The following RAD51B variants were observed in gnomAD, a reference collection of about 807,000 sequenced individuals.
RAD51B encodes DNA repair protein RAD51 homolog 2.
A neutral mutation model predicts 42.2 loss-of-function variants in RAD51B; 38 were observed. That is an observed-to-expected ratio of 0.90 (90% CI 0.70 to 1.18). RAD51B has a LOEUF of 1.18. Ranked by LOEUF, RAD51B falls within the 50% of genes most tolerant of loss-of-function variation. RAD51B has a pLI of 0.00. For synonymous variants in RAD51B, 154 were observed against 145.2 expected, an observed-to-expected ratio of 1.06 and a Z score of -0.43; for missense variants, 373 against 400.7, an observed-to-expected ratio of 0.93 and a Z score of 0.59.
chr14:67,836,914 C>A (rs1045638823), intron 4 of RAD51B, among the ~76,000 whole-genome samples: 1 of 152,130 alleles, frequency 6.6e-6, no homozygotes, highest in African/African-American at 2.4e-5. Context: ...GTTCTAGGGG[C>A]ATAAATACTT....
intron 5 of RAD51B, among the ~76,000 whole-genome samples, chr14:67,877,372 T>C (rs1345050810): frequency 6.6e-6 from 1 of 152,116 alleles, no homozygotes; most frequent in Non-Finnish European, 1.5e-5. Context: ...AGCTGAGAGG[T>C]GAACTCATAT....
intron 10 of RAD51B, chr14:68,541,564 A>G: frequency 2.0e-6 from 2 of 985,470 alleles, no homozygotes; most frequent in Non-Finnish European, 2.4e-6. Context: ...TCTAGATGGC[A>G]TGCGGTATTC....
intron 9 of RAD51B, among the ~76,000 whole-genome samples, chr14:68,443,320 C>T (rs908600324): frequency 2.0e-5 from 3 of 151,998 alleles, no homozygotes; most frequent in African/African-American, 7.3e-5. Context: ...ATTTTTTGAA[C>T]GAGTGTCTGA....
chr14:68,515,341 C>T (rs1886054138), intron 10 of RAD51B, among the ~76,000 whole-genome samples: 1 of 151,870 alleles, frequency 6.6e-6, no homozygotes, highest in African/African-American at 2.4e-5. Context: ...AAGAAGTTGC[C>T]TAAATGATGG....
chr14:67,934,755 A>G (rs2044872945), intron 7 of RAD51B, among the ~76,000 whole-genome samples: 1 of 152,104 alleles, frequency 6.6e-6, no homozygotes, highest in South Asian at 2.1e-4. Flanking sequence ...GAGGGCAGGG[A>G]GTGTATATTA....
chr14:68,022,470 A>C (rs1442954203), intron 7 of RAD51B, among the ~76,000 whole-genome samples: 1 of 152,144 alleles, frequency 6.6e-6, no homozygotes, highest in Non-Finnish European at 1.5e-5. Context: ...GGATGGGTCA[A>C]ATGGTAGCTC....
chr14:68,070,115 G>A (rs887383696), intron 7 of RAD51B, among the ~76,000 whole-genome samples: 8 of 151,732 alleles, frequency 5.3e-5, no homozygotes, highest in Non-Finnish European at 7.4e-5. Context: ...TACTTTGCCC[G>A]TTTTTTAATG....
intron 10 of RAD51B, chr14:68,594,418 C>G (rs1566948814): frequency 1.5e-6 from 2 of 1,330,822 alleles, no homozygotes; most frequent in Non-Finnish European, 2.0e-6. Flanking sequence ...CTTCAGGAAG[C>G]CTCAGGGCCT....
intron 7 of RAD51B, among the ~76,000 whole-genome samples, chr14:68,087,099 C>G (rs1232178882): frequency 2.0e-5 from 3 of 150,794 alleles, no homozygotes; most frequent in Non-Finnish European, 4.4e-5. Flanking sequence ...TGCACCATTG[C>G]ACTCCAACCT....
chr14:68,058,237 G>A (rs1294723349), intron 7 of RAD51B, among the ~76,000 whole-genome samples: 2 of 152,090 alleles, frequency 1.3e-5, no homozygotes, highest in Non-Finnish European at 2.9e-5. Flanking sequence ...TGGTTTACCA[G>A]TTTCCTGATG....
chr14:67,912,508 C>T (rs959653875), intron 7 of RAD51B, among the ~76,000 whole-genome samples: 22 of 152,010 alleles, frequency 1.4e-4, no homozygotes, highest in Admixed American at 1.1e-3. Context: ...CTCATTCATC[C>T]CCTTGAGGAG....
chr14:68,403,295 T>C (rs1450078214), intron 8 of RAD51B, among the ~76,000 whole-genome samples: 1 of 150,256 alleles, frequency 6.7e-6, no homozygotes, highest in Admixed American at 6.8e-5. Flanking sequence ...ATTTTGGGAG[T>C]CATTGCTTTG....
chr14:68,259,027 G>T (rs1267622590), intron 7 of RAD51B, among the ~76,000 whole-genome samples: 2 of 152,130 alleles, frequency 1.3e-5, no homozygotes, highest in Non-Finnish European at 2.9e-5. Flanking sequence ...TGAGTCAAGG[G>T]CAGAAACTAA....
At chr14:68,207,439 G>A (rs1481117986) in intron 7 of RAD51B, among the ~76,000 whole-genome samples, 2 of 152,128 alleles carry the variant, frequency 1.3e-5, no homozygotes, top group East Asian at 1.9e-4. Context: ...ATAGAAAATC[G>A]AAATTCACAT....
chr14:68,674,441 C>A (rs1409821078), intron 11 of RAD51B, among the ~76,000 whole-genome samples: 2 of 151,552 alleles, frequency 1.3e-5, no homozygotes, highest in African/African-American at 2.4e-5. Flanking sequence ...CATTATGTAT[C>A]GTATAATATA....
intron 7 of RAD51B, among the ~76,000 whole-genome samples, chr14:67,894,738 AC>A (rs2043351735): frequency 6.6e-6 from 1 of 151,980 alleles, no homozygotes; most frequent in Non-Finnish European, 1.5e-5. Flanking sequence ...TCTCGGGTAA[AC>A]CCTTTATCAT....
At chr14:68,226,378 C>T (rs187002909) in intron 7 of RAD51B, among the ~76,000 whole-genome samples, 213 of 152,324 alleles carry the variant, frequency 1.4e-3, no homozygotes, top group African/African-American at 4.9e-3. Flanking sequence ...TAGAGCATCT[C>T]ATCTGATATA....
At chr14:68,245,630 A>C (rs143465547) in intron 7 of RAD51B, among the ~76,000 whole-genome samples, 14 of 152,350 alleles carry the variant, frequency 9.2e-5, no homozygotes, top group African/African-American at 3.1e-4. Flanking sequence ...GCATATCTCC[A>C]AGGCGATTTA....
Position 68,159,977 on chromosome 14 carries a change from A to G in RAD51B, c.757-131907A>G, listed in dbSNP as rs552542002. ...CCTGCTACCCTATACCCACAACAGA[A>G]AACTGCCGACTTCCCCATTGTAGGA... On this transcript the variant is annotated intron_variant, in intron 7 of 10. Coordinates refer to ENST00000471583, the MANE Select transcript of RAD51B (RefSeq NM_133510.4). 3.9e-5 allele frequency among the ~76,000 whole-genome samples: 6 copies of G among 152,266 alleles called. No individual in the cohort carries two copies. In the East Asian group the frequency reaches 1.2e-3, roughly 29 times the overall value.
Sources: allele counts gnomAD v4.1 joint callset (sites outside exome capture counted in the v4.1 genomes callset), GRCh38; gene constraint gnomAD v4.1.1; transcripts MANE v1.5; gene names NCBI Gene and HGNC (gene_info 2026-07-23, HGNC 2026-07-21).